Variants in RIMS2 observed in about 807,000 individuals in gnomAD.
The protein encoded by RIMS2 is regulating synaptic membrane exocytosis 2.
In RIMS2, 59 loss-of-function variants were observed where a neutral mutation model predicts 174.4. The ratio of observed to expected loss-of-function variants is 0.34; its 90% CI spans 0.27 to 0.42. RIMS2 has a LOEUF of 0.42. Among genes scored for constraint, RIMS2 ranks in the 10% least tolerant of loss-of-function variants. RIMS2 has a pLI of 1.00. For missense variants in RIMS2, 1,620 were observed against 1,666.3 expected, an observed-to-expected ratio of 0.97 and a Z score of 0.48; for synonymous variants, 606 against 572.5, an observed-to-expected ratio of 1.06 and a Z score of -0.84.
intron 1 of RIMS2, among the ~76,000 whole-genome samples, chr8:103,661,534 C>A (rs749013161): frequency 6.6e-6 from 1 of 151,894 alleles, no homozygotes; most frequent in Non-Finnish European, 1.5e-5. Flanking sequence ...GACAGAGTCT[C>A]GCTCTGTCAC....
chr8:103,834,969 C>T (rs2098863631), intron 3 of RIMS2, among the ~76,000 whole-genome samples: 2 of 151,660 alleles, frequency 1.3e-5, no homozygotes. Context: ...CAGGTTATCG[C>T]CATGTTGTCC....
At chr8:104,188,398 G>T (rs1184235100) in intron 19 of RIMS2, among the ~76,000 whole-genome samples, 4 of 151,342 alleles carry the variant, frequency 2.6e-5, no homozygotes, top group African/African-American at 9.7e-5. Context: ...CTTTGAATCA[G>T]TAGTTTTTAA....
chr8:104,199,534 C>T (rs965409402), intron 19 of RIMS2, among the ~76,000 whole-genome samples: 1 of 152,140 alleles, frequency 6.6e-6, no homozygotes, highest in Non-Finnish European at 1.5e-5. Flanking sequence ...TAACTGAAAT[C>T]GTCAGTATGC....
chr8:103,997,710 T>G (rs953865162), intron 17 of RIMS2, among the ~76,000 whole-genome samples: 3 of 151,776 alleles, frequency 2.0e-5, no homozygotes, highest in African/African-American at 7.2e-5. Flanking sequence ...GTTTACTCTT[T>G]ATTAAATGGA....
At chr8:103,563,372 C>G (rs1407230275) in intron 1 of RIMS2, among the ~76,000 whole-genome samples, 1 of 152,164 alleles carries the variant, frequency 6.6e-6, no homozygotes, top group Admixed American at 6.5e-5. Context: ...CTCTCAAGTT[C>G]AAAGTTCCAC....
intron 19 of RIMS2, among the ~76,000 whole-genome samples, chr8:104,196,888 G>A (rs1039747965): frequency 7.2e-5 from 11 of 152,064 alleles, no homozygotes; most frequent in Non-Finnish European, 1.5e-4. Flanking sequence ...TTATTGAAAA[G>A]TTTATAAACT....
intron 19 of RIMS2, among the ~76,000 whole-genome samples, chr8:104,227,082 A>C (rs944694536): frequency 6.6e-6 from 1 of 152,196 alleles, no homozygotes; most frequent in Non-Finnish European, 1.5e-5. Context: ...GAGAAGCTAA[A>C]CAACTTGCCC....
chr8:103,803,343 A>C (rs1564695797), intron 3 of RIMS2, among the ~76,000 whole-genome samples: 1 of 152,154 alleles, frequency 6.6e-6, no homozygotes, highest in Non-Finnish European at 1.5e-5. Context: ...CGTAACTTAG[A>C]TTAAAGTGGT....
intron 19 of RIMS2, among the ~76,000 whole-genome samples, chr8:104,018,489 C>A (rs1227591506): frequency 6.6e-6 from 1 of 152,122 alleles, no homozygotes; most frequent in African/African-American, 2.4e-5. Flanking sequence ...TTAATTTACC[C>A]AACTGGCTAA....
At chr8:103,770,824 C>A (rs1248716382) in intron 3 of RIMS2, among the ~76,000 whole-genome samples, 1 of 151,774 alleles carries the variant, frequency 6.6e-6, no homozygotes, top group Non-Finnish European at 1.5e-5. Context: ...GGTTTTATTG[C>A]AGTATTTGAA....
At chr8:103,742,892 C>T (rs1049410670) in intron 2 of RIMS2, among the ~76,000 whole-genome samples, 3 of 152,074 alleles carry the variant, frequency 2.0e-5, no homozygotes, top group East Asian at 1.9e-4. Context: ...ATACTCGTAC[C>T]TTTCTTCTTA....
chr8:103,822,233 G>A (rs549411534), intron 3 of RIMS2, among the ~76,000 whole-genome samples: 3 of 151,706 alleles, frequency 2.0e-5, no homozygotes, highest in South Asian at 2.1e-4. Context: ...ACTTTTGTTC[G>A]GTAGCTAATC....
chr8:104,111,867 A>G (rs1001075153), intron 19 of RIMS2, among the ~76,000 whole-genome samples: 1 of 152,216 alleles, frequency 6.6e-6, no homozygotes. Flanking sequence ...ATGTGTATAT[A>G]CCATGCTCTA....
intron 16 of RIMS2, among the ~76,000 whole-genome samples, chr8:103,983,066 A>C (rs1208783445): frequency 6.6e-6 from 1 of 152,246 alleles, no homozygotes; most frequent in Non-Finnish European, 1.5e-5. Context: ...TACATGATCA[A>C]CATAAAAAAT....
chr8:104,040,222 A>G (rs1345004512), intron 19 of RIMS2, among the ~76,000 whole-genome samples: 2 of 151,704 alleles, frequency 1.3e-5, no homozygotes, highest in South Asian at 2.1e-4. Context: ...TATATAAGTC[A>G]ACTCAAAAAT....
chr8:103,931,894 CACA>C (rs1249968176), intron 12 of RIMS2, among the ~76,000 whole-genome samples: 1 of 151,896 alleles, frequency 6.6e-6, no homozygotes, highest in African/African-American at 2.4e-5. Context: ...GAAAACTTAC[CACA>C]AGTCCCAGAA....
At chr8:103,641,597 T>C (rs1246477342) in intron 1 of RIMS2, among the ~76,000 whole-genome samples, 1 of 152,024 alleles carries the variant, frequency 6.6e-6, no homozygotes, top group Non-Finnish European at 1.5e-5. Flanking sequence ...GTCCCTAGTA[T>C]GGTAGTGTTG....
intron 19 of RIMS2, among the ~76,000 whole-genome samples, chr8:104,210,013 A>G (rs2099098449): frequency 6.6e-6 from 1 of 152,188 alleles, no homozygotes; most frequent in African/African-American, 2.4e-5. Context: ...AGAGAAACAG[A>G]GGGACATGCA....
At position 103,632,731 on chromosome 8, in the gene RIMS2, A is replaced by ATTTTTTT. The variant is rs61579273; in HGVS notation, c.177-64336_177-64330dup. Among the ~76,000 whole-genome samples, 52 of 70,414 alleles carry ATTTTTTT rather than the reference A, an allele frequency of 7.4e-4. 3 individuals carry two copies. The highest frequency in any genetic ancestry group is 1.8e-3 in the African/African-American group (30 of 16,288). 46.2% of individuals were successfully genotyped at this position (70,414 alleles called of 152,430 possible). On this transcript the variant is annotated intron_variant, in intron 1 of 23. Transcript: ENST00000504942. ...CCACTGCGCCCGGCCATATTTATTG[A>ATTTTTTT]TTTTTTTTTTTTTTTTTTTTTTTTT...
Sources: gnomAD v4.1 joint callset for allele counts (sites outside exome capture counted in the v4.1 genomes callset) on GRCh38, gnomAD v4.1.1 for gene constraint, MANE v1.5 for transcripts, NCBI Gene and HGNC (gene_info 2026-07-23, HGNC 2026-07-21) for gene names.